The following FOXP1 variants were observed in gnomAD, a reference collection of about 807,000 sequenced individuals.
The protein encoded by FOXP1 is forkhead box P1.
A neutral mutation model predicts 98.2 loss-of-function variants in FOXP1; 15 were observed. That is an observed-to-expected ratio of 0.15 (90% CI 0.10 to 0.24). The LOEUF (loss-of-function observed/expected upper bound fraction) is 0.24, where lower values mean the gene tolerates loss of function less well. Ranked by LOEUF, FOXP1 falls within the 10% of genes least tolerant of loss-of-function variation. FOXP1 has a pLI of 1.00. For synonymous variants in FOXP1, 371 were observed against 314.5 expected (o/e 1.18, Z -1.90); for missense variants, 633 against 848.5 (o/e 0.75, Z 3.15).
chr3:71,032,173 A>G (rs1407980713), intron 11 of FOXP1, among the ~76,000 whole-genome samples: 1 of 152,230 alleles, frequency 6.6e-6, no homozygotes, highest in Non-Finnish European at 1.5e-5. Flanking sequence ...AATGGGACAG[A>G]TTGCCATATG....
At chr3:71,006,011 G>A (rs13093086) in intron 12 of FOXP1, among the ~76,000 whole-genome samples, 55,527 of 151,896 alleles carry the variant, frequency 0.37, 12,886 homozygotes, top group Non-Finnish European at 0.5. Context: ...GGAGGAACAC[G>A]GGGGAAAAAG....
chr3:71,311,488 C>G (rs2074678697), intron 4 of FOXP1, among the ~76,000 whole-genome samples: 1 of 152,192 alleles, frequency 6.6e-6, no homozygotes, highest in Admixed American at 6.5e-5. Flanking sequence ...ATGAGTGGAA[C>G]AAAAACATTC....
In FOXP1 at chr3:70,968,943, C is replaced by T. The variant is rs1261489953; in HGVS notation, c.1722+1793G>A. 3.7e-4 allele frequency: 57 copies of T among 152,138 alleles called. 1 individual carries two copies. Among genetic ancestry groups the T allele is most frequent in the Admixed American group, 3.7e-3 (57 of 15,276 alleles). 9.4% of individuals were successfully genotyped at this position (152,138 alleles called of 1,614,324 possible). ...AATCATGAATTTGTATCAATTTATT[C>T]CCCTTGCCTCATTATGGACGGAAAG... On this transcript the variant is annotated intron_variant, in intron 19 of 20. Transcript: ENST00000649528.
At chr3:71,143,491 G>A (rs2060165999) in intron 6 of FOXP1, among the ~76,000 whole-genome samples, 1 of 152,168 alleles carries the variant, frequency 6.6e-6, no homozygotes, top group Admixed American at 6.5e-5. Context: ...CTTCACTCCT[G>A]ACCTTAGGCA....
chr3:71,406,875 G>T lies in FOXP1; in HGVS notation c.-167-47631C>A, dbSNP rs569620740. Among the ~76,000 whole-genome samples the T allele has an allele frequency of 7.6e-4, 116 of 152,050 alleles. 1 individual carries two copies. Among genetic ancestry groups the T allele is most frequent in the African/African-American group, 2.7e-3 (111 of 41,480 alleles). Reference sequence around the variant, plus strand: ...CTCCTGCTTGCTTTACAGTTTTATGGTGAGTATTTTACCTGCCCCTGCAAC... The same window carrying T: ...CTCCTGCTTGCTTTACAGTTTTATGTTGAGTATTTTACCTGCCCCTGCAAC... On this transcript the variant is annotated intron_variant, in intron 3 of 20. Coordinates refer to ENST00000649528, the MANE Select transcript of FOXP1 (RefSeq NM_001349338.3).
At position 71,568,391 on chromosome 3, in the gene FOXP1, G is replaced by C. The variant is rs534692141; in HGVS notation, c.-298+13158C>G. ...CTACAGAGGAAGAACCCTTGGTGCA[G>C]AGAAACAAAGCCCTTCAAGACAGTT... is the stretch of plus-strand genomic sequence containing the variant. On this transcript the variant is annotated intron_variant, in intron 2 of 20. Transcript: ENST00000649528. Among the ~76,000 whole-genome samples, 326 of 152,186 alleles carry C rather than the reference G, an allele frequency of 2.1e-3. 2 individuals carry two copies. Among genetic ancestry groups the C allele is most frequent in the Middle Eastern group, 0.014 (4 of 294 alleles).
chr3:70,967,683 A>ATTTGTTTTTTTTG (rs2035141152), intron 19 of FOXP1, among the ~76,000 whole-genome samples: 1 of 21,782 alleles, frequency 4.6e-5, no homozygotes, highest in African/African-American at 1.9e-4. Context: ...AACTACTATT[A>ATTTGTTTTTTTTG]TTTGTTTTTT....
chr3:71,310,466 CT>C (rs2074603403), intron 4 of FOXP1, among the ~76,000 whole-genome samples: 1 of 152,228 alleles, frequency 6.6e-6, no homozygotes, highest in Admixed American at 6.5e-5. Context: ...GCAAACTCTA[CT>C]CTTTGCTTTT....
chr3:71,105,912 A>C (rs1241099112), intron 7 of FOXP1, among the ~76,000 whole-genome samples: 4 of 152,056 alleles, frequency 2.6e-5, no homozygotes, highest in African/African-American at 9.7e-5. Context: ...TTTTTTGCTT[A>C]TAATATGGAA....
intron 7 of FOXP1, among the ~76,000 whole-genome samples, chr3:71,092,698 G>C (rs2056007935): frequency 6.6e-6 from 1 of 151,908 alleles, no homozygotes; most frequent in African/African-American, 2.4e-5. Flanking sequence ...AGGGCGTTTG[G>C]CTTATTTTCC....
At chr3:71,347,395 C>T (rs1204578401) in intron 4 of FOXP1, among the ~76,000 whole-genome samples, 1 of 152,210 alleles carries the variant, frequency 6.6e-6, no homozygotes, top group Non-Finnish European at 1.5e-5. Context: ...AAAACCTCCA[C>T]TTCCATTCTG....
chr3:71,472,895 C>A (rs988151274), intron 3 of FOXP1, among the ~76,000 whole-genome samples: 2 of 152,134 alleles, frequency 1.3e-5, no homozygotes, highest in Admixed American at 1.3e-4. Context: ...CTCCAGGGCA[C>A]CTTCAATTAG....
At chr3:71,081,990 G>A (rs2054471809) in intron 7 of FOXP1, among the ~76,000 whole-genome samples, 1 of 152,236 alleles carries the variant, frequency 6.6e-6, no homozygotes, top group African/African-American at 2.4e-5. Flanking sequence ...TAGAATAGAC[G>A]GTGCTGCGCT....
intron 5 of FOXP1, among the ~76,000 whole-genome samples, chr3:71,212,949 A>AATATATATATAT (rs3033230): frequency 2.7e-5 from 4 of 147,802 alleles, no homozygotes; most frequent in African/African-American, 5.0e-5. Context: ...ACAAAATGGG[A>AATATATATATAT]ATATATATAT....
chr3:71,021,207 C>A (rs2045377742), intron 11 of FOXP1, among the ~76,000 whole-genome samples: 1 of 152,186 alleles, frequency 6.6e-6, no homozygotes, highest in South Asian at 2.1e-4. Flanking sequence ...CATTTCCTCC[C>A]AACTCCCAGC....
chr3:71,162,742 C>A (rs145856868), intron 6 of FOXP1, among the ~76,000 whole-genome samples: 3 of 152,214 alleles, frequency 2.0e-5, no homozygotes, highest in African/African-American at 7.2e-5. Context: ...TCCTTTGGAA[C>A]ATAGTACCCC....
intron 3 of FOXP1, among the ~76,000 whole-genome samples, chr3:71,479,373 CA>C (rs1432199880): frequency 6.6e-6 from 1 of 152,030 alleles, no homozygotes; most frequent in Non-Finnish European, 1.5e-5. Context: ...ATAGGTTTGT[CA>C]AAAAGAAGTA....
chr3:70,955,440 G>C lies in FOXP1; in HGVS notation c.*3807C>G, dbSNP rs1405490510. On this transcript the variant is annotated 3_prime_UTR_variant, in exon 21 of 21. Transcript: ENST00000649528. ...AACTCATCTTACAAGACGGACTCTAGGGACAGGTAGGTTGGATCCTCATTC... is the reference window on the plus strand; with the variant it reads ...AACTCATCTTACAAGACGGACTCTACGGACAGGTAGGTTGGATCCTCATTC... 1 of 232,754 alleles carries C rather than the reference G, an allele frequency of 4.3e-6. No homozygotes were observed. The highest frequency in any genetic ancestry group is 2.2e-5 in the African/African-American group (1 of 45,270). The allele number at this position is 232,754 out of a possible 1,614,324, so 14.4% of individuals were successfully genotyped here. A position where few individuals can be genotyped will look rare whatever the true frequency, so the allele number is the denominator to read the frequency against.
chr3:71,354,150 C>CAAAAAAA (rs541215729), intron 4 of FOXP1, among the ~76,000 whole-genome samples: 5 of 129,092 alleles, frequency 3.9e-5, no homozygotes, highest in African/African-American at 1.5e-4. Context: ...ATTAAAAATA[C>CAAAAAAA]AAAAAAAAAA....
Sources: gnomAD v4.1 joint callset for allele counts (sites outside exome capture counted in the v4.1 genomes callset) on GRCh38, gnomAD v4.1.1 for gene constraint, MANE v1.5 for transcripts, NCBI Gene and HGNC (gene_info 2026-07-23, HGNC 2026-07-21) for gene names.